Variants in GNA14 observed in about 807,000 individuals in gnomAD.
GNA14 encodes guanine nucleotide-binding protein subunit alpha-14.
In GNA14, 50 loss-of-function variants were observed where a neutral mutation model predicts 42.0. That is an observed-to-expected ratio of 1.19 (90% confidence interval 0.95 to 1.51). The LOEUF is 1.51. Among genes scored for constraint, GNA14 ranks in the 40% most tolerant of loss-of-function variants. The pLI, the probability that GNA14 is intolerant of heterozygous loss-of-function variation, is 0.00. For synonymous variants in GNA14, 173 were observed against 163.1 expected, an observed-to-expected ratio of 1.06 and a Z score of -0.46; for missense variants, 473 against 446.2, an observed-to-expected ratio of 1.06 and a Z score of -0.54.
At chr9:77,508,895 C>T (rs1286260683) in intron 2 of GNA14, among the ~76,000 whole-genome samples, 1 of 152,086 alleles carries the variant, frequency 6.6e-6, no homozygotes, top group Non-Finnish European at 1.5e-5. Context: ...TGGTAACATA[C>T]TAAAATGAAA....
chr9:77,440,082 C>T (rs560767745), intron 2 of GNA14, among the ~76,000 whole-genome samples: 1 of 152,332 alleles, frequency 6.6e-6, no homozygotes, highest in East Asian at 1.9e-4. Flanking sequence ...TAGGAGCAAA[C>T]TCAGTGATAC....
chr9:77,495,518 G>A (rs1159310344), intron 2 of GNA14, among the ~76,000 whole-genome samples: 3 of 152,160 alleles, frequency 2.0e-5, no homozygotes, highest in Non-Finnish European at 4.4e-5. Context: ...AATAAGAAAT[G>A]AACTTCTCTT....
At chr9:77,466,955 T>C (rs984739804) in intron 2 of GNA14, among the ~76,000 whole-genome samples, 3 of 151,896 alleles carry the variant, frequency 2.0e-5, no homozygotes, top group African/African-American at 7.3e-5. Flanking sequence ...AAGGTTGTGC[T>C]TAAGCCCTCT....
intron 1 of GNA14, among the ~76,000 whole-genome samples, chr9:77,619,376 T>A (rs748917551): frequency 6.6e-6 from 1 of 152,108 alleles, no homozygotes; most frequent in Non-Finnish European, 1.5e-5. Context: ...TAATTTTGTA[T>A]TTTTAGTATA....
chr9:77,546,216 A>C (rs1248305947), intron 1 of GNA14, among the ~76,000 whole-genome samples: 6 of 82,138 alleles, frequency 7.3e-5, no homozygotes, highest in African/African-American at 5.8e-4. Context: ...GCTCCATCTC[A>C]AAAAAAAAAA....
rs2118054121 is a variant in GNA14 at position 77,647,995 on chromosome 9, C to G, written c.-202G>C. The G allele has an allele frequency of 3.4e-6, 2 of 591,132 alleles. No individual in the cohort carries two copies. Among genetic ancestry groups the G allele is most frequent in the East Asian group, 3.2e-5 (1 of 31,180 alleles). The allele number at this position is 591,132 out of a possible 1,614,324, so 36.6% of individuals were successfully genotyped here. A position where few individuals can be genotyped will look rare whatever the true frequency, so the allele number is the denominator to read the frequency against. The stretch of plus-strand genomic sequence containing the variant: ...AGTCGGCTCTGAGGCGGGGTGAATG[C>G]CGAGCGCTGGGAACGCTCGAGTGCA... On this transcript the variant is annotated 5_prime_UTR_variant, in exon 1 of 7. Transcript: ENST00000341700.
At chr9:77,549,634 C>A (rs1352566426) in intron 1 of GNA14, among the ~76,000 whole-genome samples, 1 of 152,194 alleles carries the variant, frequency 6.6e-6, no homozygotes, top group African/African-American at 2.4e-5. Context: ...AACAGACATT[C>A]AAATGCTTGC....
intron 2 of GNA14, among the ~76,000 whole-genome samples, chr9:77,438,741 A>C (rs1475231272): frequency 6.6e-6 from 1 of 152,200 alleles, no homozygotes; most frequent in African/African-American, 2.4e-5. Context: ...GCAAACACAC[A>C]CACACTTCAA....
chr9:77,574,895 A>T (rs1320758857), intron 1 of GNA14, among the ~76,000 whole-genome samples: 1 of 152,180 alleles, frequency 6.6e-6, no homozygotes, highest in Non-Finnish European at 1.5e-5. Flanking sequence ...GCTCTAAAAT[A>T]AGTGCAAGGG....
At chr9:77,486,629 C>T (rs1412821825) in intron 2 of GNA14, among the ~76,000 whole-genome samples, 1 of 152,152 alleles carries the variant, frequency 6.6e-6, no homozygotes, top group Non-Finnish European at 1.5e-5. Flanking sequence ...ATGTGTGACT[C>T]CTCTTTTCAC....
chr9:77,515,299 G>C (rs530015751), intron 2 of GNA14, among the ~76,000 whole-genome samples: 1 of 152,202 alleles, frequency 6.6e-6, no homozygotes, highest in Non-Finnish European at 1.5e-5. Flanking sequence ...CAAGAAAGAC[G>C]TGGGCAGGCA....
chr9:77,483,220 A>T (rs892062359), intron 2 of GNA14, among the ~76,000 whole-genome samples: 1 of 152,210 alleles, frequency 6.6e-6, no homozygotes, highest in African/African-American at 2.4e-5. Flanking sequence ...GGTGACGTAC[A>T]GATGGGTTTT....
intron 2 of GNA14, among the ~76,000 whole-genome samples, chr9:77,525,608 C>G (rs769885): frequency 2.0e-5 from 3 of 150,728 alleles, no homozygotes; most frequent in East Asian, 2.0e-4. Flanking sequence ...GCATGATCTC[C>G]GCTCACTGCA....
Position 77,425,668 on chromosome 9 carries a change from G to T in GNA14, c.771C>A (p.Tyr257Ter). Residue 257 changes from tyrosine to a stop codon, truncating the protein, a stop_gained, in exon 6 of 7, where the codon TAC (tyrosine) becomes TAA (stop). Transcript: ENST00000341700. LOFTEE classifies it high-confidence loss of function. ...TCACAGACGAATTCAGAAACCAGGG[G>T]TAGGTGATGATGGTTTTAAATAAGG... ...SKALFKTIIT[Y>*]PWFLNSSVIL... 4.3e-6 allele frequency: 7 copies of T among 1,609,248 alleles called. No homozygotes were observed. The highest frequency in any genetic ancestry group is 6.0e-6 in the Non-Finnish European group (7 of 1,175,670).
rs76761432 is a variant in GNA14 at position 77,581,944 on chromosome 9, C to T, written c.125-52691G>A. ...AACCGTGACATCAACAGGAAGCTTC[C>T]TATTCTCAACTCTTAAATTGTAACA... is the stretch of plus-strand genomic sequence containing the variant. On this transcript the variant is annotated intron_variant, in intron 1 of 6. Coordinates refer to ENST00000341700, the MANE Select transcript of GNA14 (RefSeq NM_004297.4). 2.0e-5 allele frequency among the ~76,000 whole-genome samples: 3 copies of T among 152,222 alleles called. No homozygotes were observed. In the East Asian group the frequency reaches 5.8e-4, roughly 29 times the overall value.
intron 2 of GNA14, among the ~76,000 whole-genome samples, chr9:77,490,784 C>T (rs1836758785): frequency 6.6e-6 from 1 of 152,238 alleles, no homozygotes; most frequent in African/African-American, 2.4e-5. Flanking sequence ...TCCCTGCAAG[C>T]TGAGGGAGCC....
At chr9:77,557,530 T>C (rs1325485673) in intron 1 of GNA14, among the ~76,000 whole-genome samples, 1 of 152,238 alleles carries the variant, frequency 6.6e-6, no homozygotes, top group Non-Finnish European at 1.5e-5. Context: ...GCTGGGGATA[T>C]GAATGGCCCA....
intron 1 of GNA14, among the ~76,000 whole-genome samples, chr9:77,552,499 A>T (rs1260764864): frequency 6.6e-6 from 1 of 152,196 alleles, no homozygotes; most frequent in Non-Finnish European, 1.5e-5. Flanking sequence ...CCCAAGTTAC[A>T]CCAACTGGTG....
chr9:77,606,912 C>G (rs891160415), intron 1 of GNA14, among the ~76,000 whole-genome samples: 18 of 152,060 alleles, frequency 1.2e-4, no homozygotes, highest in African/African-American at 4.3e-4. Flanking sequence ...ATTATAAGAA[C>G]AGGAAGAGAC....
Sources: allele counts gnomAD v4.1 joint callset (sites outside exome capture counted in the v4.1 genomes callset), GRCh38; gene constraint gnomAD v4.1.1; transcripts MANE v1.5; gene names NCBI Gene and HGNC (gene_info 2026-07-23, HGNC 2026-07-21).